The following COL22A1 variants were observed in gnomAD, a reference collection of about 807,000 sequenced individuals.
The protein encoded by COL22A1 is collagen alpha-1(XXII) chain.
COL22A1 carries 221 observed loss-of-function variants against 248.9 expected under a neutral mutation model. The observed-to-expected ratio is 0.89, with a 90% CI of 0.80 to 0.99. The LOEUF is 0.99. Ranked by LOEUF, COL22A1 falls within the 50% of genes least tolerant of loss-of-function variation. The pLI is 0.00. For missense variants in COL22A1, 2,240 were observed against 2,179.0 expected (o/e 1.03, Z -0.56); for synonymous variants, 891 against 793.4 (o/e 1.12, Z -2.07).
At position 138,688,771 on chromosome 8, in the gene COL22A1, G is replaced by C. The variant is rs979177600; in HGVS notation, c.2862+146C>G. 3.9e-5 allele frequency: 26 copies of C among 668,082 alleles called. No individual in the cohort carries two copies. The African/African-American group carries it at 4.3e-4, about 11-fold the overall frequency. The allele number at this position is 668,082 out of a possible 1,614,324, so 41.4% of individuals were successfully genotyped here. On this transcript the variant is annotated intron_variant, in intron 37 of 64. Coordinates refer to ENST00000303045, the MANE Select transcript of COL22A1 (RefSeq NM_152888.3). ...GAGGAATAAATGAGCCAATGGGATG[G>C]CACAGTCTTCCTCTCCCTCCTACTT...
intron 22 of COL22A1, 48 bp from the exon 23 acceptor site, chr8:138,737,625 C>T: frequency 7.8e-7 from 1 of 1,275,502 alleles, no homozygotes; most frequent in Non-Finnish European, 1.1e-6. Context: ...CAATTGTCAA[C>T]CAGAGGGGGT....
chr8:138,881,612 G>A (rs527890847), intron 2 of COL22A1, among the ~76,000 whole-genome samples: 1 of 152,216 alleles, frequency 6.6e-6, no homozygotes, highest in Admixed American at 6.5e-5. Context: ...GTGAACCCGG[G>A]AGGCGGAGCT....
rs1816786811 is a variant in COL22A1 at position 138,588,556 on chromosome 8, C to T, written c.*697G>A. 6.6e-6 allele frequency: 1 copy of T among 152,250 alleles called. No homozygotes were observed. The highest frequency in any genetic ancestry group is 2.1e-4 in the South Asian group (1 of 4,832). The allele number at this position is 152,250 out of a possible 1,614,324, so 9.4% of individuals were successfully genotyped here. A position where few individuals can be genotyped will look rare whatever the true frequency, so the allele number is the denominator to read the frequency against. ...CCCATCTTTGGCCAAGACATATGATCCCACAAAGCCATTGCCAACCCACAG... is the reference window on the plus strand; with the variant it reads ...CCCATCTTTGGCCAAGACATATGATTCCACAAAGCCATTGCCAACCCACAG... On this transcript the variant is annotated 3_prime_UTR_variant, in exon 65 of 65. Coordinates refer to ENST00000303045, the MANE Select transcript of COL22A1 (RefSeq NM_152888.3).
At chr8:138,912,494 A>T (rs1296125696) in intron 1 of COL22A1, among the ~76,000 whole-genome samples, 1 of 152,086 alleles carries the variant, frequency 6.6e-6, no homozygotes, top group African/African-American at 2.4e-5. Flanking sequence ...TAACCCCAGC[A>T]CTCTGGGAGG....
chr8:138,755,694 G>A, intron 19 of COL22A1, 91 bp downstream of exon 19: 1 of 1,424,470 alleles, frequency 7.0e-7, no homozygotes, highest in Non-Finnish European at 9.9e-7. Flanking sequence ...GTCCTTGGAA[G>A]AGCGTTGCCT....
chr8:138,805,957 T>C (rs1025930940), intron 10 of COL22A1, among the ~76,000 whole-genome samples: 2 of 137,228 alleles, frequency 1.5e-5, no homozygotes, highest in Non-Finnish European at 3.1e-5. Flanking sequence ...TATATTATGG[T>C]GTGTATGTGT....
At position 138,649,857 on chromosome 8, in the gene COL22A1, G is replaced by C. The variant is rs1447444768; in HGVS notation, c.3334-79C>G. On this transcript the variant is annotated intron_variant, in intron 45 of 64. Transcript: ENST00000303045. ...TTCAAAGCAAAGCAAAGTAGCCCTG[G>C]CTGCTATCTCTCCAGATGGAGATTT... 38 of 837,456 alleles carry C rather than the reference G, an allele frequency of 4.5e-5. 1 individual carries two copies. The highest frequency in any genetic ancestry group is 3.7e-5 in the Non-Finnish European group (20 of 543,712). 51.9% of individuals were successfully genotyped at this position (837,456 alleles called of 1,614,324 possible).
At chr8:138,798,848 A>G (rs1224873852) in intron 11 of COL22A1, among the ~76,000 whole-genome samples, 4 of 152,118 alleles carry the variant, frequency 2.6e-5, no homozygotes, top group Non-Finnish European at 5.9e-5. Flanking sequence ...ATTGGGGTTC[A>G]CTGAGCATGT....
At chr8:138,792,608 C>A (rs1816164086) in intron 12 of COL22A1, among the ~76,000 whole-genome samples, 1 of 152,180 alleles carries the variant, frequency 6.6e-6, no homozygotes, top group East Asian at 1.9e-4. Flanking sequence ...GAGAATGTGC[C>A]TGAACTGATC....
At chr8:138,735,194 T>C (rs1831014219) in intron 23 of COL22A1, among the ~76,000 whole-genome samples, 1 of 152,118 alleles carries the variant, frequency 6.6e-6, no homozygotes, top group South Asian at 2.1e-4. Context: ...AAAATTAAAC[T>C]TTGAAGAAAA....
intron 3 of COL22A1, among the ~76,000 whole-genome samples, chr8:138,877,204 C>T (rs905943107): frequency 1.4e-4 from 22 of 152,128 alleles, no homozygotes; most frequent in African/African-American, 5.3e-4. Flanking sequence ...AGCACTTGGC[C>T]TCTGGGATAA....
chr8:138,806,175 A>G (rs368471631), intron 10 of COL22A1, among the ~76,000 whole-genome samples: 6,140 of 68,804 alleles, frequency 0.089, 2,200 homozygotes, highest in African/African-American at 0.11. Context: ...TGATGGTGTA[A>G]GTAATGGTGT....
At chr8:138,634,204 T>C (rs532928425) in intron 49 of COL22A1, among the ~76,000 whole-genome samples, 1 of 152,326 alleles carries the variant, frequency 6.6e-6, no homozygotes, top group South Asian at 2.1e-4. Context: ...CTTAATTTCA[T>C]ATATTTTAAA....
intron 59 of COL22A1, among the ~76,000 whole-genome samples, chr8:138,604,439 A>G (rs1020048468): frequency 8.5e-5 from 13 of 152,216 alleles, no homozygotes; most frequent in Non-Finnish European, 1.5e-4. Flanking sequence ...GACAAAACCT[A>G]CAGGTATTTG....
chr8:138,880,530 C>T (rs1194749361), intron 2 of COL22A1, among the ~76,000 whole-genome samples: 1 of 152,206 alleles, frequency 6.6e-6, no homozygotes, highest in Non-Finnish European at 1.5e-5. Flanking sequence ...CACACATACT[C>T]CCACAAATGC....
At chr8:138,664,242 C>T (rs1422162267) in intron 41 of COL22A1, among the ~76,000 whole-genome samples, 1 of 151,120 alleles carries the variant, frequency 6.6e-6, no homozygotes, top group Admixed American at 6.6e-5. Context: ...CACACACACA[C>T]ACACACACAC....
At chr8:138,778,220 C>T (rs140747885) in intron 15 of COL22A1, 133 bp downstream of exon 15, 9 of 919,120 alleles carry the variant, frequency 9.8e-6, no homozygotes, top group African/African-American at 4.9e-5. Flanking sequence ...AAAGGAGATA[C>T]CAACACTTCA....
chr8:138,831,820 AG>A (rs1490572359), intron 5 of COL22A1, among the ~76,000 whole-genome samples: 2 of 152,174 alleles, frequency 1.3e-5, no homozygotes, highest in Non-Finnish European at 2.9e-5. Flanking sequence ...AAGATGGAAG[AG>A]AGGTCGCATA....
chr8:138,868,290 C>T (rs11776125), intron 3 of COL22A1, among the ~76,000 whole-genome samples: 5 of 151,774 alleles, frequency 3.3e-5, no homozygotes, highest in Non-Finnish European at 7.4e-5. Flanking sequence ...GTTCTCAAAG[C>T]GGGCAACATC....
Sources: gnomAD v4.1 joint callset for allele counts (sites outside exome capture counted in the v4.1 genomes callset) on GRCh38, gnomAD v4.1.1 for gene constraint, MANE v1.5 for transcripts, NCBI Gene and HGNC (gene_info 2026-07-23, HGNC 2026-07-21) for gene names.